The following ARMC2 variants were observed in gnomAD, a reference collection of about 807,000 sequenced individuals.
ARMC2 encodes armadillo repeat containing 2, also known as armadillo repeat-containing protein 2.
In ARMC2, 67 loss-of-function variants were observed where a neutral mutation model predicts 90.3. The ratio of observed to expected loss-of-function variants is 0.74; its 90% CI spans 0.61 to 0.91. The LOEUF (loss-of-function observed/expected upper bound fraction) is 0.91, where lower values mean the gene tolerates loss of function less well. ARMC2 is among the 40% of genes least tolerant of loss of function. The pLI, the probability that ARMC2 is intolerant of heterozygous loss-of-function variation, is 0.00. For missense variants in ARMC2, 920 were observed against 1,030.9 expected (o/e 0.89, Z 1.47); for synonymous variants, 393 against 393.0 (o/e 1.00, Z 0.00).
chr6:108,967,565 C>A (rs993047152), intron 17 of ARMC2, among the ~76,000 whole-genome samples: 1 of 152,152 alleles, frequency 6.6e-6, no homozygotes, highest in African/African-American at 2.4e-5. Context: ...AACACAGATG[C>A]CCAAGTGCCT....
the ARMC2 span, among the ~76,000 whole-genome samples, chr6:108,990,068 A>C: frequency 6.6e-6 from 1 of 152,212 alleles, no homozygotes; most frequent in African/African-American, 2.4e-5. Flanking sequence ...TTTTACAGCA[A>C]AAATAGTTAA....
the ARMC2 span, among the ~76,000 whole-genome samples, chr6:109,004,596 A>C: frequency 6.6e-6 from 1 of 151,552 alleles, no homozygotes; most frequent in African/African-American, 2.4e-5. Context: ...ACACCTGGCT[A>C]ATTTTTTGTA....
At chr6:109,009,571 C>A in the ARMC2 span, 1 of 1,101,554 alleles carries the variant, frequency 9.1e-7, no homozygotes, top group Non-Finnish European at 1.1e-6. Flanking sequence ...GGCGGGGCGG[C>A]GCCGACAAAC....
At chr6:108,896,726 T>A (rs1327500601) in intron 6 of ARMC2, among the ~76,000 whole-genome samples, 1 of 152,214 alleles carries the variant, frequency 6.6e-6, no homozygotes. Context: ...CTGGGGTGAA[T>A]AAGTTATCCA....
chr6:108,880,362 T>G (rs558768864), intron 5 of ARMC2: 2 of 173,714 alleles, frequency 1.2e-5, no homozygotes, highest in African/African-American at 4.8e-5. Context: ...AGCAGTTGAT[T>G]CAGAGATGGG....
At chr6:108,985,566 TATAAAC>T in the ARMC2 span, among the ~76,000 whole-genome samples, 1 of 152,230 alleles carries the variant, frequency 6.6e-6, no homozygotes, top group African/African-American at 2.4e-5. Flanking sequence ...TTACTTTAGG[TATAAAC>T]ATATTTTTTA....
the ARMC2 span, among the ~76,000 whole-genome samples, chr6:109,006,249 G>A: frequency 6.6e-6 from 1 of 152,036 alleles, no homozygotes; most frequent in Non-Finnish European, 1.5e-5. Flanking sequence ...TATGAAGCAG[G>A]TACTATTATT....
At chr6:108,853,845 C>T (rs1164210582) in intron 1 of ARMC2, among the ~76,000 whole-genome samples, 2 of 152,136 alleles carry the variant, frequency 1.3e-5, no homozygotes, top group African/African-American at 4.8e-5. Context: ...CTTATAGTAT[C>T]ACTAGTGTGG....
intron 5 of ARMC2, among the ~76,000 whole-genome samples, chr6:108,877,389 G>A (rs1198201724): frequency 1.3e-5 from 2 of 152,018 alleles, no homozygotes; most frequent in East Asian, 1.9e-4. Flanking sequence ...TCACACATAC[G>A]GAATTTATAT....
intron 12 of ARMC2, among the ~76,000 whole-genome samples, chr6:108,940,546 C>T (rs1776353572): frequency 6.6e-6 from 1 of 152,108 alleles, no homozygotes; most frequent in African/African-American, 2.4e-5. Flanking sequence ...TTTGCTTGGC[C>T]AGCACCATGT....
the ARMC2 span, chr6:108,993,151 TTCTC>T: frequency 1.2e-4 from 44 of 360,702 alleles, no homozygotes; most frequent in African/African-American, 8.8e-4. Context: ...CATAGATCCT[TTCTC>T]TCTCCTCCCA....
chr6:108,988,811 A>C, the ARMC2 span: 3 of 672,870 alleles, frequency 4.5e-6, no homozygotes, highest in East Asian at 3.0e-5. Flanking sequence ...AGCTGTCCCC[A>C]AAAATGATAG....
At chr6:109,009,269 C>G in the ARMC2 span, 2 of 1,184,282 alleles carry the variant, frequency 1.7e-6, no homozygotes, top group Non-Finnish European at 2.2e-6. Context: ...TGTGAGGAGG[C>G]AACGTGACCT....
At chr6:108,920,336 C>T (rs573698045) in intron 10 of ARMC2, among the ~76,000 whole-genome samples, 5 of 152,140 alleles carry the variant, frequency 3.3e-5, no homozygotes, top group East Asian at 1.9e-4. Flanking sequence ...ATTACAGGCA[C>T]GTGCCGCCAC....
chr6:109,004,980 A>T, the ARMC2 span, among the ~76,000 whole-genome samples: 20,515 of 152,182 alleles, frequency 0.13, 1,510 homozygotes, highest in Middle Eastern at 0.2. Flanking sequence ...GAGTATAGAG[A>T]ATATATTACT....
chr6:109,031,258 A>G, the ARMC2 span, among the ~76,000 whole-genome samples: 4 of 152,186 alleles, frequency 2.6e-5, no homozygotes, highest in Non-Finnish European at 5.9e-5. Flanking sequence ...AAAAGTGATT[A>G]GATACTGCAG....
chr6:108,912,877 A>T (rs542656069), intron 10 of ARMC2, among the ~76,000 whole-genome samples: 4 of 152,346 alleles, frequency 2.6e-5, no homozygotes, highest in African/African-American at 9.6e-5. Context: ...AAATTTTAAC[A>T]AGCTGCTTAG....
chr6:108,964,284 A>G lies in ARMC2; in HGVS notation c.2257A>G (p.Ile753Val), dbSNP rs2128514541. The stretch of plus-strand genomic sequence containing the variant: ...CACTGTGGATAAAGACAAGCGTGTC[A>G]TCTTGAAAGAAGGAGGTGGCATTAA... Reference protein sequence around the residue: ...NLTVDKDKRVILKEGGGIKKL... With the variant: ...NLTVDKDKRVVLKEGGGIKKL... The change falls in exon 16 of 18, where the codon ATC becomes GTC. Residue 753 changes from isoleucine (I) to valine (V), a missense_variant. By Grantham distance (29) the Ile-to-Val change is conservative (BLOSUM62 3). Transcript: ENST00000392644. The G allele has an allele frequency of 6.2e-7, 1 of 1,613,978 alleles. No individual in the cohort carries two copies. The highest frequency in any genetic ancestry group is 2.2e-5 in the East Asian group (1 of 44,880).
At chr6:108,965,197 T>C (rs966392595) in intron 17 of ARMC2, 57 bp downstream of exon 17, 15 of 1,478,790 alleles carry the variant, frequency 1.0e-5, no homozygotes, top group Middle Eastern at 1.8e-4. Flanking sequence ...AGATAGTTTT[T>C]TTCTGTGACC....
Sources: allele counts gnomAD v4.1 joint callset (sites outside exome capture counted in the v4.1 genomes callset), GRCh38; gene constraint gnomAD v4.1.1; transcripts MANE v1.5; gene names NCBI Gene and HGNC (gene_info 2026-07-23, HGNC 2026-07-21).